Variants in CCDC88C observed in about 807,000 individuals in gnomAD.
CCDC88C encodes protein Daple.
A neutral mutation model predicts 198.8 loss-of-function variants in CCDC88C; 131 were observed. The observed-to-expected ratio is 0.66, with a 90% CI of 0.57 to 0.76. CCDC88C has a LOEUF of 0.76. Among genes scored for constraint, CCDC88C ranks in the 30% least tolerant of loss-of-function variants. The probability of loss-of-function intolerance (pLI) is 0.00; values close to 1 mark genes in which losing one functional copy is unlikely to be tolerated. For missense variants in CCDC88C, 2,553 were observed against 2,631.6 expected, an observed-to-expected ratio of 0.97 and a Z score of 0.65; for synonymous variants, 1,166 against 1,114.7, an observed-to-expected ratio of 1.05 and a Z score of -0.92.
At chr14:91,321,650 T>C (rs541976764) in intron 12 of CCDC88C, among the ~76,000 whole-genome samples, 6 of 152,316 alleles carry the variant, frequency 3.9e-5, no homozygotes, top group Admixed American at 3.9e-4. Context: ...CTAACAGAGA[T>C]GACACACAGG....
chr14:91,414,328 C>T (rs186983219), intron 2 of CCDC88C, among the ~76,000 whole-genome samples: 2 of 152,222 alleles, frequency 1.3e-5, no homozygotes, highest in East Asian at 1.9e-4. Flanking sequence ...AGGCACTGAG[C>T]GACATGCCCA....
chr14:91,307,626 C>T (rs1891616305), intron 17 of CCDC88C, among the ~76,000 whole-genome samples: 1 of 152,256 alleles, frequency 6.6e-6, no homozygotes, highest in South Asian at 2.1e-4. Context: ...CCTATTCAAT[C>T]CTGCAGCCAA....
At chr14:91,291,970 T>C (rs1890680840) in intron 23 of CCDC88C, among the ~76,000 whole-genome samples, 2 of 152,304 alleles carry the variant, frequency 1.3e-5, no homozygotes, top group South Asian at 4.1e-4. Context: ...CCCATGGTAC[T>C]GAGGACTGCT....
intron 3 of CCDC88C, chr14:91,407,993 T>C (rs913284288): frequency 6.6e-6 from 1 of 152,154 alleles, no homozygotes; most frequent in African/African-American, 2.4e-5. Context: ...TTGGCCAGGA[T>C]GGTCTTGATC....
chr14:91,401,346 A>ATAT (rs1555430009), intron 3 of CCDC88C, among the ~76,000 whole-genome samples: 1 of 127,036 alleles, frequency 7.9e-6, no homozygotes. Context: ...ATATATATAT[A>ATAT]TTTTTTGAGA....
At chr14:91,357,581 C>G (rs1335537737) in intron 4 of CCDC88C, among the ~76,000 whole-genome samples, 3 of 152,136 alleles carry the variant, frequency 2.0e-5, no homozygotes, top group Non-Finnish European at 4.4e-5. Flanking sequence ...GTGGCTGTCC[C>G]CTCCTTTTGC....
intron 4 of CCDC88C, among the ~76,000 whole-genome samples, chr14:91,355,536 C>T (rs1321151892): frequency 6.6e-6 from 1 of 152,158 alleles, no homozygotes; most frequent in Non-Finnish European, 1.5e-5. Context: ...TGCAAAACCA[C>T]AGCACCATCA....
chr14:91,273,489 C>T lies in CCDC88C; in HGVS notation c.5223G>A (p.Glu1741=), dbSNP rs761239537. The T allele has an allele frequency of 1.3e-6, 2 of 1,563,432 alleles. No individual in the cohort carries two copies. The highest frequency in any genetic ancestry group is 1.2e-5 in the South Asian group (1 of 84,806). ...ACTGCCCGGGCTTCAGCGGCCTCCC[C>T]TCCGAGGTGGGGGCGGCCATTTTGA... The part of the protein sequence containing the change: ...PTVKMAAPTS[E]GRPLKPGQYV... The change falls in exon 30 of 30, where the codon GAG becomes GAA. Residue 1741 remains glutamate (E), a synonymous_variant. Transcript: ENST00000389857. The surrounding 1 kb of genome is among the most constrained non-coding windows in gnomAD (Gnocchi z 5.6).
At chr14:91,363,152 CA>C in intron 3 of CCDC88C, among the ~76,000 whole-genome samples, 1 of 152,168 alleles carries the variant, frequency 6.6e-6, no homozygotes, top group East Asian at 1.9e-4. Context: ...ACATTAATTT[CA>C]AATTTTCTAT....
intron 3 of CCDC88C, among the ~76,000 whole-genome samples, chr14:91,405,464 C>T (rs919466669): frequency 2.6e-5 from 4 of 152,094 alleles, no homozygotes; most frequent in African/African-American, 7.2e-5. Context: ...AAGAAGAGGC[C>T]GGGCGGCAGC....
In CCDC88C at chr14:91,299,937, C is replaced by A; in HGVS notation, c.3769G>T (p.Glu1257Ter). 6.3e-7 allele frequency: 1 copy of A among 1,587,076 alleles called. No homozygotes were observed. Among genetic ancestry groups the A allele is most frequent in the Non-Finnish European group, 8.5e-7 (1 of 1,170,682 alleles). The change falls in exon 21 of 30, where the codon GAG becomes TAG. Residue 1257 changes from glutamate to a stop codon, truncating the protein, a stop_gained. Transcript: ENST00000389857. LOFTEE classifies it high-confidence loss of function. The stretch of plus-strand genomic sequence containing the variant: ...GGCGCCGGCGCTCACCTGTCCAGCT[C>A]GCCCCGCAGCCTCTGGTTCTCGCCC... ...AMGENQRLRG[E>*]LDRVNFLHHQ...
At chr14:91,363,555 G>A (rs904230663) in intron 3 of CCDC88C, among the ~76,000 whole-genome samples, 1 of 151,868 alleles carries the variant, frequency 6.6e-6, no homozygotes, top group Non-Finnish European at 1.5e-5. Flanking sequence ...TCATTTGTTG[G>A]AGGTATAATA....
chr14:91,280,334 G>T lies in CCDC88C; in HGVS notation c.4700-1028C>A, dbSNP rs182108134. 2.3e-3 allele frequency among the ~76,000 whole-genome samples: 346 copies of T among 152,306 alleles called. 1 individual carries two copies. The highest frequency in any genetic ancestry group is 4.2e-3 in the Non-Finnish European group (286 of 68,022). ...CAGGGCACCTGGTTCCAAGGGCTGA[G>T]GTGCTCTGCAAACAGCAGATGTCCA... On this transcript the variant is annotated intron_variant, in intron 27 of 29. Coordinates refer to ENST00000389857, the MANE Select transcript of CCDC88C (RefSeq NM_001080414.4).
At chr14:91,324,531 T>C (rs143601421) in intron 12 of CCDC88C, among the ~76,000 whole-genome samples, 155 of 152,314 alleles carry the variant, frequency 1.0e-3, no homozygotes, top group African/African-American at 3.6e-3. Flanking sequence ...GGAATGTCCA[T>C]ATGGGAATTC....
At chr14:91,390,843 A>C (rs1885466841) in intron 3 of CCDC88C, among the ~76,000 whole-genome samples, 2 of 152,218 alleles carry the variant, frequency 1.3e-5, no homozygotes. Context: ...CAGAGAGCGC[A>C]GAGGACAGGG....
chr14:91,401,326 C>CAT (rs1202032897), intron 3 of CCDC88C, among the ~76,000 whole-genome samples: 1 of 61,170 alleles, frequency 1.6e-5, no homozygotes, highest in Non-Finnish European at 3.1e-5. Context: ...TTATATATTA[C>CAT]ATATATTATA....
intron 13 of CCDC88C, among the ~76,000 whole-genome samples, chr14:91,317,549 A>G (rs775585647): frequency 8.5e-5 from 13 of 152,352 alleles, no homozygotes; most frequent in Middle Eastern, 3.4e-3. Flanking sequence ...ACTGGGGCCA[A>G]TAAAACAGTC....
At chr14:91,388,938 G>A (rs950631031) in intron 3 of CCDC88C, among the ~76,000 whole-genome samples, 4 of 152,148 alleles carry the variant, frequency 2.6e-5, no homozygotes, top group African/African-American at 7.2e-5. Flanking sequence ...AGGATGGTGC[G>A]TGAGTCTCTG....
chr14:91,314,889 C>T (rs1327068133), intron 14 of CCDC88C, among the ~76,000 whole-genome samples: 1 of 152,204 alleles, frequency 6.6e-6, no homozygotes, highest in East Asian at 1.9e-4. Context: ...GTAATCCCAA[C>T]ACTTTGGGAA....
Sources: gnomAD v4.1 joint callset for allele counts (sites outside exome capture counted in the v4.1 genomes callset) on GRCh38, gnomAD v4.1.1 for gene constraint, Gnocchi (gnomAD v3.1) non-coding constraint, MANE v1.5 for transcripts, NCBI Gene and HGNC (gene_info 2026-07-23, HGNC 2026-07-21) for gene names.